The following ENDOD1 variants were observed in gnomAD, a reference collection of about 807,000 sequenced individuals.
ENDOD1 encodes the protein endonuclease domain-containing 1 protein.
Under a neutral mutation model 6.5 loss-of-function variants are expected in ENDOD1, and 9 were observed. That is an observed-to-expected ratio of 1.39 (90% CI 0.84 to 2.43). The LOEUF (loss-of-function observed/expected upper bound fraction) is 2.43. Among genes scored for constraint, ENDOD1 ranks in the 30% most tolerant of loss-of-function variants. The pLI is 0.00. For synonymous variants in ENDOD1, 255 were observed against 255.2 expected (o/e 1.00, Z 0.01); for missense variants, 648 against 635.5 (o/e 1.02, Z -0.21).
chr11:95,104,496 C>T (rs1555111257), intron 1 of ENDOD1, among the ~76,000 whole-genome samples: 1 of 151,068 alleles, frequency 6.6e-6, no homozygotes, highest in African/African-American at 2.4e-5. Context: ...TCATCATCTT[C>T]ATTTGTTCCC....
intron 1 of ENDOD1, among the ~76,000 whole-genome samples, chr11:95,122,910 C>T (rs185783137): frequency 1.4e-4 from 22 of 152,124 alleles, no homozygotes; most frequent in African/African-American, 4.6e-4. Context: ...TCCTAGGGGC[C>T]GGGCGCCATG....
intron 1 of ENDOD1, among the ~76,000 whole-genome samples, chr11:95,109,526 G>T (rs1555111715): frequency 6.6e-6 from 1 of 152,246 alleles, no homozygotes; most frequent in East Asian, 1.9e-4. Flanking sequence ...AGATAATTGG[G>T]CACTGGCCCT....
intron 1 of ENDOD1, among the ~76,000 whole-genome samples, chr11:95,113,061 A>G (rs1555112112): frequency 6.6e-6 from 1 of 151,468 alleles, no homozygotes; most frequent in African/African-American, 2.4e-5. Flanking sequence ...GGTACATAGT[A>G]GGTGTATATA....
Position 95,129,216 on chromosome 11 carries a change from C to G in ENDOD1, c.1140C>G (p.Gly380=), listed in dbSNP as rs879001765. ...TAGAAAGTTGCCTTTACCGCCTGGGCTCAGCCACCATCTCATACTTCATGG... is the reference window on the plus strand; with the variant it reads ...TAGAAAGTTGCCTTTACCGCCTGGGGTCAGCCACCATCTCATACTTCATGG... ...NGIESCLYRL[G]SATISYFMAI... The change falls in exon 2 of 2, where the codon GGC becomes GGG. Residue 380 remains glycine, a synonymous_variant. Transcript: ENST00000278505. 6.2e-7 allele frequency: 1 copy of G among 1,614,178 alleles called. No homozygotes were observed. Among genetic ancestry groups the G allele is most frequent in the South Asian group, 1.1e-5 (1 of 91,090 alleles).
chr11:95,119,971 G>C (rs933860331), intron 1 of ENDOD1, among the ~76,000 whole-genome samples: 3 of 152,230 alleles, frequency 2.0e-5, no homozygotes, highest in South Asian at 2.1e-4. Flanking sequence ...GTCTTTCAGG[G>C]AGTACTGCCA....
rs1392594813 is a variant in ENDOD1, at chr11:95,131,729, T to A, written c.*2150T>A. On this transcript the variant is annotated 3_prime_UTR_variant, in exon 2 of 2. Coordinates refer to ENST00000278505, the MANE Select transcript of ENDOD1 (RefSeq NM_015036.3). ...AACTTAATTCCCTCCTAGCACATAT[T>A]TGCATACTGAAAGGTCCGAAAAGGG... The A allele has an allele frequency of 6.6e-6, 1 of 152,212 alleles. No individual in the cohort carries two copies. The highest frequency in any genetic ancestry group is 1.5e-5 in the Non-Finnish European group (1 of 68,044). The allele number at this position is 152,212 out of a possible 1,614,324, so 9.4% of individuals were successfully genotyped here.
chr11:95,094,701 A>G (rs901852513), intron 1 of ENDOD1, among the ~76,000 whole-genome samples: 19 of 152,286 alleles, frequency 1.2e-4, no homozygotes, highest in Admixed American at 1.2e-3. Context: ...ATTTGTTCCA[A>G]CCTCAGCCTT....
intron 1 of ENDOD1, among the ~76,000 whole-genome samples, chr11:95,112,076 A>G (rs1859156477): frequency 6.6e-6 from 1 of 152,110 alleles, no homozygotes; most frequent in African/African-American, 2.4e-5. Context: ...ACTGGTCTCT[A>G]ATCACCAAAG....
chr11:95,129,214 G>A lies in ENDOD1; in HGVS notation c.1138G>A (p.Gly380Ser), dbSNP rs748211098. ...NGIESCLYRL[G>S]SATISYFMAI... is the part of the protein sequence containing the mutation. ...CATAGAAAGTTGCCTTTACCGCCTG[G>A]GCTCAGCCACCATCTCATACTTCAT... Residue 380 changes from glycine to serine, a missense_variant, in exon 2 of 2, where the codon GGC becomes AGC. Physicochemically the swap from Gly to Ser is moderately conservative, Grantham distance 56 (BLOSUM62 0). Coordinates refer to ENST00000278505, the MANE Select transcript of ENDOD1 (RefSeq NM_015036.3). The A allele has an allele frequency of 6.2e-7, 1 of 1,614,154 alleles. No individual in the cohort carries two copies.
At chr11:95,127,241 A>T (rs1859320530) in intron 1 of ENDOD1, among the ~76,000 whole-genome samples, 1 of 152,236 alleles carries the variant, frequency 6.6e-6, no homozygotes, top group South Asian at 2.1e-4. Context: ...ACATAATCCT[A>T]AATTAATCCT....
At chr11:95,122,005 C>T (rs1295260014) in intron 1 of ENDOD1, among the ~76,000 whole-genome samples, 1 of 152,086 alleles carries the variant, frequency 6.6e-6, no homozygotes, top group African/African-American at 2.4e-5. Context: ...CAGGTATAAT[C>T]CAGAAATTGC....
chr11:95,121,421 G>A (rs1263819579), intron 1 of ENDOD1, among the ~76,000 whole-genome samples: 2 of 152,170 alleles, frequency 1.3e-5, no homozygotes, highest in African/African-American at 2.4e-5. Context: ...TCATAGAAGA[G>A]TGTTTGGCAT....
At chr11:95,106,034 A>T (rs916720687) in intron 1 of ENDOD1, among the ~76,000 whole-genome samples, 6 of 152,152 alleles carry the variant, frequency 3.9e-5, no homozygotes, top group Non-Finnish European at 8.8e-5. Flanking sequence ...TGAATGTATG[A>T]TCTGGTCCCT....
At chr11:95,112,191 A>T (rs1555112005) in intron 1 of ENDOD1, among the ~76,000 whole-genome samples, 1 of 152,178 alleles carries the variant, frequency 6.6e-6, no homozygotes, top group Non-Finnish European at 1.5e-5. Flanking sequence ...TTTTGGCATG[A>T]CCCTAGACAA....
At chr11:95,104,786 C>T (rs531175803) in intron 1 of ENDOD1, among the ~76,000 whole-genome samples, 24 of 152,320 alleles carry the variant, frequency 1.6e-4, no homozygotes, top group Middle Eastern at 3.4e-3. Context: ...ACAGAGTCTT[C>T]AGGGTCTTTT....
chr11:95,096,396 A>G (rs1858986289), intron 1 of ENDOD1, among the ~76,000 whole-genome samples: 1 of 152,124 alleles, frequency 6.6e-6, no homozygotes, highest in African/African-American at 2.4e-5. Context: ...GAGAAATGAA[A>G]AAGAAACTGA....
chr11:95,106,879 C>T (rs1272352665), intron 1 of ENDOD1, among the ~76,000 whole-genome samples: 2 of 152,016 alleles, frequency 1.3e-5, no homozygotes, highest in African/African-American at 4.8e-5. Context: ...ATATGGAGGT[C>T]CCACCCCAGA....
In ENDOD1 at chr11:95,129,018, T is replaced by A. The variant is rs367762931; in HGVS notation, c.942T>A (p.Thr314=). The A allele has an allele frequency of 6.2e-7, 1 of 1,613,956 alleles. No individual in the cohort carries two copies. The highest frequency in any genetic ancestry group is 8.5e-7 in the Non-Finnish European group (1 of 1,179,980). The change falls in exon 2 of 2, where the codon ACT becomes ACA. Residue 314 remains threonine (T), a synonymous_variant. Coordinates refer to ENST00000278505, the MANE Select transcript of ENDOD1 (RefSeq NM_015036.3). ...PLSSTRSKRS[T]LLPPEASEGS... is the part of the protein sequence containing the mutation. ...CTAGCACCAGGAGCAAGAGGTCTAC[T>A]CTGTTGCCTCCAGAGGCATCTGAGG...
chr11:95,105,250 T>C (rs954084601), intron 1 of ENDOD1, among the ~76,000 whole-genome samples: 8 of 152,186 alleles, frequency 5.3e-5, no homozygotes, highest in Non-Finnish European at 1.2e-4. Flanking sequence ...CAGGACTCCC[T>C]GTGGATACCA....
Sources: gnomAD v4.1 joint callset for allele counts (sites outside exome capture counted in the v4.1 genomes callset) on GRCh38, gnomAD v4.1.1 for gene constraint, MANE v1.5 for transcripts, NCBI Gene and HGNC (gene_info 2026-07-23, HGNC 2026-07-21) for gene names.